ARMH3: variants seen among roughly 807,000 people sequenced by gnomAD.
ARMH3 encodes armadillo like helical domain containing 3.
A neutral mutation model predicts 99.1 loss-of-function variants in ARMH3; 60 were observed. The ratio of observed to expected loss-of-function variants is 0.61; its 90% CI spans 0.49 to 0.75. The LOEUF is 0.75. Among genes scored for constraint, ARMH3 ranks in the 30% least tolerant of loss-of-function variants. ARMH3 has a pLI of 0.00. For missense variants in ARMH3, 679 were observed against 843.1 expected, an observed-to-expected ratio of 0.81 and a Z score of 2.41; for synonymous variants, 285 against 292.8, an observed-to-expected ratio of 0.97 and a Z score of 0.27.
intron 20 of ARMH3, among the ~76,000 whole-genome samples, chr10:101,968,578 A>G (rs1238628950): frequency 6.6e-6 from 1 of 152,132 alleles, no homozygotes; most frequent in Non-Finnish European, 1.5e-5. Context: ...GAGAGTTGAC[A>G]TTTTTCTGGA....
At chr10:101,921,233 A>T (rs536505707) in intron 23 of ARMH3, among the ~76,000 whole-genome samples, 8 of 152,334 alleles carry the variant, frequency 5.3e-5, no homozygotes, top group Admixed American at 5.2e-4. Flanking sequence ...TGAGTGAAAG[A>T]AGTCAGACAC....
intron 23 of ARMH3, among the ~76,000 whole-genome samples, chr10:101,925,338 A>G (rs866115438): frequency 6.6e-6 from 1 of 152,222 alleles, no homozygotes; most frequent in South Asian, 2.1e-4. Flanking sequence ...TATTTGGTAT[A>G]AGGCAGACCC....
intron 23 of ARMH3, among the ~76,000 whole-genome samples, chr10:101,897,952 A>G (rs2067879786): frequency 6.6e-6 from 1 of 152,094 alleles, no homozygotes; most frequent in Admixed American, 6.5e-5. Context: ...ATTCTCTCTG[A>G]CTCATGACTC....
intron 15 of ARMH3, among the ~76,000 whole-genome samples, chr10:101,996,491 C>A (rs1201193917): frequency 6.6e-6 from 1 of 152,074 alleles, no homozygotes; most frequent in African/African-American, 2.4e-5. Context: ...TCTGACACTC[C>A]CTGGAGCTTC....
chr10:101,913,183 G>T (rs1302337216), intron 23 of ARMH3: 2 of 151,976 alleles, frequency 1.3e-5, no homozygotes, highest in Admixed American at 1.3e-4. Context: ...GTCTCACTAT[G>T]TGGCCCAGGC....
At chr10:101,883,477 TG>T (rs2067466057) in intron 24 of ARMH3, among the ~76,000 whole-genome samples, 1 of 151,828 alleles carries the variant, frequency 6.6e-6, no homozygotes, top group Non-Finnish European at 1.5e-5. Flanking sequence ...TCAGATAGGA[TG>T]GGGTAGGCAG....
chr10:101,916,556 CT>C (rs1288297359), intron 23 of ARMH3, among the ~76,000 whole-genome samples: 1 of 152,180 alleles, frequency 6.6e-6, no homozygotes, highest in African/African-American at 2.4e-5. Flanking sequence ...AAGAACTATT[CT>C]TTTTCTGATT....
chr10:102,054,499 A>AC (rs895407049), intron 1 of ARMH3, among the ~76,000 whole-genome samples: 6 of 152,150 alleles, frequency 3.9e-5, no homozygotes, highest in African/African-American at 1.4e-4. Context: ...TTACAGTCGT[A>AC]ACAAGAGGGA....
rs1170692430 is a variant in ARMH3 at position 101,845,640 on chromosome 10, C to T, written c.*1888G>A. 1.3e-5 allele frequency: 2 copies of T among 152,200 alleles called. No individual in the cohort carries two copies. Among genetic ancestry groups the T allele is most frequent in the Non-Finnish European group, 1.5e-5 (1 of 68,042 alleles). 9.4% of individuals were successfully genotyped at this position (152,200 alleles called of 1,614,324 possible). A position where few individuals can be genotyped will look rare whatever the true frequency, so the allele number is the denominator to read the frequency against. ...TCAATTTTTAATAATTTCAACTTGC[C>T]ACCAGCTCCAAATCCAGCTGCCTTG... is the stretch of plus-strand genomic sequence containing the variant. On this transcript the variant is annotated 3_prime_UTR_variant, in exon 26 of 26. Coordinates refer to ENST00000370033, the MANE Select transcript of ARMH3 (RefSeq NM_024541.3).
chr10:101,900,857 A>C (rs1353142944), intron 23 of ARMH3, among the ~76,000 whole-genome samples: 5 of 151,956 alleles, frequency 3.3e-5, no homozygotes, highest in Non-Finnish European at 7.4e-5. Context: ...TAATGTGCAC[A>C]CCTATAGCCC....
At chr10:102,032,046 T>C (rs565874428) in intron 4 of ARMH3, among the ~76,000 whole-genome samples, 75 of 152,140 alleles carry the variant, frequency 4.9e-4, no homozygotes, top group Non-Finnish European at 8.5e-4. Context: ...CCCAGGATTC[T>C]TCATATTCTA....
chr10:102,008,509 TTTTG>T (rs1467643126), intron 13 of ARMH3, among the ~76,000 whole-genome samples: 1 of 151,864 alleles, frequency 6.6e-6, no homozygotes, highest in East Asian at 1.9e-4. Flanking sequence ...CTGGGGGTAT[TTTTG>T]TTTGTTTTTT....
intron 19 of ARMH3, among the ~76,000 whole-genome samples, chr10:101,982,285 C>A (rs776100508): frequency 4.0e-5 from 6 of 151,636 alleles, no homozygotes; most frequent in Non-Finnish European, 5.9e-5. Context: ...ACTTGGGAGG[C>A]TGAGGCACAA....
At chr10:101,985,176 A>G (rs761347946) in intron 19 of ARMH3, among the ~76,000 whole-genome samples, 1 of 149,220 alleles carries the variant, frequency 6.7e-6, no homozygotes, top group Non-Finnish European at 1.5e-5. Context: ...GTGTACACAT[A>G]TATGAATATA....
At chr10:101,944,860 GA>G (rs1214029943) in intron 22 of ARMH3, among the ~76,000 whole-genome samples, 1 of 151,812 alleles carries the variant, frequency 6.6e-6, no homozygotes, top group African/African-American at 2.4e-5. Flanking sequence ...TATGCACAGA[GA>G]AACAAGATGA....
At chr10:101,991,922 C>G (rs752035516) in intron 18 of ARMH3, 47 bp downstream of exon 18, 14 of 1,508,540 alleles carry the variant, frequency 9.3e-6, no homozygotes, top group Non-Finnish European at 1.0e-5. Context: ...ATCATGAAAG[C>G]CTATCGCTGT....
At chr10:102,052,769 C>T (rs1055754135) in intron 1 of ARMH3, among the ~76,000 whole-genome samples, 1 of 151,902 alleles carries the variant, frequency 6.6e-6, no homozygotes, top group African/African-American at 2.4e-5. Context: ...TTCCCCAAGA[C>T]TTTTTTCATA....
At chr10:101,933,032 A>G (rs1259276599) in intron 23 of ARMH3, among the ~76,000 whole-genome samples, 3 of 152,114 alleles carry the variant, frequency 2.0e-5, no homozygotes, top group Non-Finnish European at 4.4e-5. Context: ...TAAAAATACA[A>G]AAAATTAGCC....
At chr10:101,858,272 A>T (rs2066780077) in intron 24 of ARMH3, among the ~76,000 whole-genome samples, 1 of 152,228 alleles carries the variant, frequency 6.6e-6, no homozygotes, top group Admixed American at 6.5e-5. Flanking sequence ...AGTGGTTAAG[A>T]GCACGGCTCT....
Sources: gnomAD v4.1 joint callset for allele counts (sites outside exome capture counted in the v4.1 genomes callset) on GRCh38, gnomAD v4.1.1 for gene constraint, MANE v1.5 for transcripts, NCBI Gene and HGNC (gene_info 2026-07-23, HGNC 2026-07-21) for gene names.